Variants in TRAPPC8 observed in about 807,000 individuals in gnomAD.
TRAPPC8 encodes trafficking protein particle complex subunit 8, also known as general sporulation gene 1 homolog.
In TRAPPC8, 54 loss-of-function variants were observed where a neutral mutation model predicts 174.3. The ratio of observed to expected loss-of-function variants is 0.31; its 90% CI spans 0.25 to 0.39. The LOEUF (loss-of-function observed/expected upper bound fraction) is 0.39, where lower values mean the gene tolerates loss of function less well. Among genes scored for constraint, TRAPPC8 ranks in the 10% least tolerant of loss-of-function variants. The pLI is 1.00. For missense variants in TRAPPC8, 1,531 were observed against 1,699.1 expected (o/e 0.90, Z 1.74); for synonymous variants, 630 against 579.9 (o/e 1.09, Z -1.24).
chr18:31,847,119 T>C (rs2033450243), intron 25 of TRAPPC8, among the ~76,000 whole-genome samples: 1 of 152,236 alleles, frequency 6.6e-6, no homozygotes, highest in South Asian at 2.1e-4. Context: ...AACTGTGCTA[T>C]AACACAAGCT....
intron 12 of TRAPPC8, among the ~76,000 whole-genome samples, chr18:31,880,090 A>AAAAAAAAAAAAAAT (rs1259899654): frequency 3.5e-5 from 3 of 85,380 alleles, no homozygotes; most frequent in African/African-American, 1.6e-4. Flanking sequence ...TGAAAAAAAA[A>AAAAAAAAAAAAAAT]ATATATATAT....
chr18:31,908,273 G>T, intron 8 of TRAPPC8, 30 bp downstream of exon 8: 1 of 1,469,232 alleles, frequency 6.8e-7, no homozygotes, highest in Non-Finnish European at 9.3e-7. Context: ...TTAAACAGAG[G>T]AAAAACAAAA....
chr18:31,868,642 T>C (rs62095508), intron 16 of TRAPPC8, among the ~76,000 whole-genome samples: 36,393 of 152,080 alleles, frequency 0.24, 5,039 homozygotes, highest in South Asian at 0.52. Context: ...AAAATATCTT[T>C]GACAAATTTA....
intron 26 of TRAPPC8, among the ~76,000 whole-genome samples, chr18:31,843,676 T>G (rs1359961909): frequency 1.3e-5 from 2 of 152,224 alleles, no homozygotes; most frequent in African/African-American, 4.8e-5. Context: ...ACTTAATAAT[T>G]ACCAAGTACT....
chr18:31,932,515 G>A (rs2037892512), intron 1 of TRAPPC8, among the ~76,000 whole-genome samples: 1 of 151,884 alleles, frequency 6.6e-6, no homozygotes, highest in East Asian at 1.9e-4. Context: ...CCGTCCTATA[G>A]TCCTTGTTTC....
Position 31,853,955 on chromosome 18 carries a change from A to T in TRAPPC8, c.3337-10T>A. The T allele has an allele frequency of 6.3e-7, 1 of 1,598,608 alleles. No individual in the cohort carries two copies. The highest frequency in any genetic ancestry group is 1.1e-5 in the South Asian group (1 of 89,148). On this transcript the variant is annotated splice_polypyrimidine_tract_variant and intron_variant, in intron 21 of 28. Coordinates refer to ENST00000283351, the MANE Select transcript of TRAPPC8 (RefSeq NM_014939.5). ...TAACGCCTGCTTCACTCTGTCAAAA[A>T]AAAAGATAGGAGTCATTCAGGATTT... is the stretch of plus-strand genomic sequence containing the variant.
chr18:31,921,514 G>A (rs2037387248), intron 2 of TRAPPC8, among the ~76,000 whole-genome samples: 1 of 151,812 alleles, frequency 6.6e-6, no homozygotes, highest in Non-Finnish European at 1.5e-5. Context: ...CTACTCGGAG[G>A]CTGAGGCAAG....
intron 19 of TRAPPC8, among the ~76,000 whole-genome samples, chr18:31,863,571 C>T (rs1418073446): frequency 1.3e-5 from 2 of 152,138 alleles, no homozygotes; most frequent in African/African-American, 2.4e-5. Flanking sequence ...CAGGATAAAA[C>T]GTGTAGTATG....
intron 12 of TRAPPC8, among the ~76,000 whole-genome samples, chr18:31,887,735 C>G (rs181384837): frequency 6.6e-6 from 1 of 152,010 alleles, no homozygotes; most frequent in Non-Finnish European, 1.5e-5. Context: ...AAGTATTCCC[C>G]CTGAAAACCA....
At chr18:31,888,301 A>G (rs1362506775) in intron 12 of TRAPPC8, among the ~76,000 whole-genome samples, 1 of 152,238 alleles carries the variant, frequency 6.6e-6, no homozygotes, top group African/African-American at 2.4e-5. Flanking sequence ...TGGGAGGCTG[A>G]GGAAGGTGGA....
At chr18:31,902,834 T>G (rs965588351) in intron 9 of TRAPPC8, among the ~76,000 whole-genome samples, 45 of 151,994 alleles carry the variant, frequency 3.0e-4, no homozygotes, top group Admixed American at 9.8e-4. Flanking sequence ...CGGATCACGA[T>G]GTCAGGATAT....
intron 10 of TRAPPC8, among the ~76,000 whole-genome samples, chr18:31,898,308 AAAG>A (rs1210494885): frequency 2.6e-5 from 4 of 152,268 alleles, no homozygotes; most frequent in African/African-American, 7.2e-5. Flanking sequence ...CTGACTGTAA[AAAG>A]AAGAAAAGAA....
chr18:31,869,335 A>C (rs1232065339), intron 16 of TRAPPC8, among the ~76,000 whole-genome samples: 2 of 152,236 alleles, frequency 1.3e-5, no homozygotes, highest in African/African-American at 4.8e-5. Flanking sequence ...ATGGAAAATA[A>C]AACAGTTAAG....
At chr18:31,864,292 CTTAAG>C (rs2034483004) in intron 19 of TRAPPC8, among the ~76,000 whole-genome samples, 1 of 151,676 alleles carries the variant, frequency 6.6e-6, no homozygotes, top group African/African-American at 2.4e-5. Flanking sequence ...TTCTACATTG[CTTAAG>C]TTTTTTTATA....
At chr18:31,936,995 G>A (rs532504409) in intron 1 of TRAPPC8, among the ~76,000 whole-genome samples, 9 of 151,066 alleles carry the variant, frequency 6.0e-5, no homozygotes, top group Middle Eastern at 3.5e-3. Flanking sequence ...GGTGGATCAC[G>A]AGGTCAGGAG....
chr18:31,890,916 A>G lies in TRAPPC8; in HGVS notation c.1597-50T>C. 3 of 1,537,612 alleles carry G rather than the reference A, an allele frequency of 2.0e-6. No homozygotes were observed. The African/African-American group carries it at 4.2e-5, about 21-fold the overall frequency. ...AGGTTAGTTTCACCAAGTTAAAAGT[A>G]AATAGATAACTAGTGAAAAAAACAT... On this transcript the variant is annotated intron_variant, in intron 11 of 28. Transcript: ENST00000283351.
intron 28 of TRAPPC8, 70 bp from the exon 29 acceptor site, chr18:31,831,059 C>CAT: frequency 7.3e-7 from 1 of 1,376,294 alleles, no homozygotes. Context: ...GTCACATTAA[C>CAT]ATATCCCTTT....
Position 31,838,612 on chromosome 18 carries a change from A to G in TRAPPC8, c.3983+700T>C, listed in dbSNP as rs75147216. On this transcript the variant is annotated intron_variant, in intron 27 of 28. Coordinates refer to ENST00000283351, the MANE Select transcript of TRAPPC8 (RefSeq NM_014939.5). ...GCTTCTCAACCTATGATGTCATGCT[A>G]TTCTACCCTCTATACAGTGGCATTC... Among the ~76,000 whole-genome samples the G allele has an allele frequency of 1.7e-4, 26 of 152,250 alleles. No homozygotes were observed. The South Asian group carries it at 4.6e-3, about 27-fold the overall frequency.
Position 31,844,051 on chromosome 18 carries a change from AT to A in TRAPPC8, c.3837+2664del, listed in dbSNP as rs2033252700. Among the ~76,000 whole-genome samples, 4 of 152,264 alleles carry A rather than the reference AT, an allele frequency of 2.6e-5. No homozygotes were observed. The South Asian group carries it at 8.3e-4, about 32-fold the overall frequency. On this transcript the variant is annotated intron_variant, in intron 26 of 28. Coordinates refer to ENST00000283351, the MANE Select transcript of TRAPPC8 (RefSeq NM_014939.5). ...GTACATTTCCTTACTTTCTGCCACC[AT>A]AATATCTTCTGGTTCATCTTGCATT...
Sources: allele counts gnomAD v4.1 joint callset (sites outside exome capture counted in the v4.1 genomes callset), GRCh38; gene constraint gnomAD v4.1.1; transcripts MANE v1.5; gene names NCBI Gene and HGNC (gene_info 2026-07-23, HGNC 2026-07-21).